Variants in CTIF observed in about 807,000 individuals in gnomAD.
The protein encoded by CTIF is cap binding complex dependent translation initiation factor, also known as CBP80/20-dependent translation initiation factor.
A neutral mutation model predicts 66.0 loss-of-function variants in CTIF; 21 were observed. That is an observed-to-expected ratio of 0.32 (90% confidence interval 0.23 to 0.46). The LOEUF (loss-of-function observed/expected upper bound fraction) is 0.46. Among genes scored for constraint, CTIF ranks in the 20% least tolerant of loss-of-function variants. CTIF has a pLI of 1.00. For synonymous variants in CTIF, 345 were observed against 326.4 expected (o/e 1.06, Z -0.62); for missense variants, 739 against 812.7 (o/e 0.91, Z 1.10).
intron 1 of CTIF, among the ~76,000 whole-genome samples, chr18:48,543,097 C>T (rs1186300187): frequency 6.6e-6 from 1 of 152,164 alleles, no homozygotes; most frequent in Non-Finnish European, 1.5e-5. Context: ...CCAAACTCAC[C>T]GTCTGGTCCC....
intron 4 of CTIF, 63 bp downstream of exon 4, chr18:48,663,888 G>T: frequency 7.0e-7 from 1 of 1,430,620 alleles, no homozygotes; most frequent in South Asian, 1.1e-5. Flanking sequence ...GGCTTCCTTG[G>T]GGACGGAATG....
Position 48,743,194 on chromosome 18 carries a change from C to T in CTIF, c.585-14725C>T, listed in dbSNP as rs183302774. ...TGGTCAGAGTTCTCGTGTGGCAGCT[C>T]CTGCAGCTTGCAGAGCTTCACAACC... On this transcript the variant is annotated intron_variant, in intron 7 of 11. Transcript: ENST00000256413. Among the ~76,000 whole-genome samples the T allele has an allele frequency of 2.3e-3, 344 of 152,262 alleles. 3 individuals are homozygous for T. The highest frequency in any genetic ancestry group is 7.8e-3 in the African/African-American group (324 of 41,546).
intron 1 of CTIF, among the ~76,000 whole-genome samples, chr18:48,585,409 C>T (rs980182617): frequency 5.3e-5 from 8 of 152,208 alleles, no homozygotes; most frequent in African/African-American, 1.7e-4. Context: ...CTGCCCTGTC[C>T]TAGCCTTAAG....
intron 1 of CTIF, among the ~76,000 whole-genome samples, chr18:48,560,296 G>A (rs772204308): frequency 1.5e-4 from 22 of 146,574 alleles, no homozygotes; most frequent in Non-Finnish European, 2.2e-4. Flanking sequence ...GTGTGATCTC[G>A]GCTCACTGCA....
chr18:48,556,759 T>C (rs1433232749), intron 1 of CTIF, among the ~76,000 whole-genome samples: 1 of 152,144 alleles, frequency 6.6e-6, no homozygotes, highest in Non-Finnish European at 1.5e-5. Context: ...GAGATGGGGT[T>C]TCACCATGTT....
At chr18:48,677,264 A>T (rs931646288) in intron 6 of CTIF, among the ~76,000 whole-genome samples, 1 of 152,036 alleles carries the variant, frequency 6.6e-6, no homozygotes, top group Non-Finnish European at 1.5e-5. Flanking sequence ...CTGTTGCTCC[A>T]TGTCACCCGT....
intron 9 of CTIF, among the ~76,000 whole-genome samples, chr18:48,770,231 T>C (rs533967869): frequency 6.6e-6 from 1 of 152,366 alleles, no homozygotes; most frequent in South Asian, 2.1e-4. Context: ...GTGCTGCTGC[T>C]GTGCCAACTA....
intron 10 of CTIF, among the ~76,000 whole-genome samples, chr18:48,822,007 C>A (rs1367586263): frequency 6.6e-6 from 1 of 152,216 alleles, no homozygotes; most frequent in Non-Finnish European, 1.5e-5. Context: ...TAGCCTCTGG[C>A]AACCACTATT....
At chr18:48,540,807 C>T (rs2088593226) in intron 1 of CTIF, among the ~76,000 whole-genome samples, 1 of 152,070 alleles carries the variant, frequency 6.6e-6, no homozygotes, top group African/African-American at 2.4e-5. Context: ...ACCTGTCCCG[C>T]CAGCCCCCTC....
Position 48,644,354 on chromosome 18 carries a change from A to G in CTIF, c.252+7669A>G, listed in dbSNP as rs1012892000. On this transcript the variant is annotated intron_variant, in intron 3 of 11. Coordinates refer to ENST00000256413, the MANE Select transcript of CTIF (RefSeq NM_014772.3). The stretch of plus-strand genomic sequence containing the variant: ...TGGAGAGAACAGATGCTGAAGCTGC[A>G]GTGAGAAGATGTCTGGGACATGACA... Among the ~76,000 whole-genome samples, 9 of 152,324 alleles carry G rather than the reference A, an allele frequency of 5.9e-5. No individual in the cohort carries two copies. In the East Asian group the frequency reaches 1.7e-3, roughly 29 times the overall value.
At chr18:48,583,623 A>T (rs1267601972) in intron 1 of CTIF, among the ~76,000 whole-genome samples, 1 of 152,116 alleles carries the variant, frequency 6.6e-6, no homozygotes, top group Admixed American at 6.5e-5. Context: ...GGCCTGCAAC[A>T]TGCCTGTCTT....
At chr18:48,700,520 C>T (rs1394223549) in intron 6 of CTIF, among the ~76,000 whole-genome samples, 1 of 152,238 alleles carries the variant, frequency 6.6e-6, no homozygotes, top group Non-Finnish European at 1.5e-5. Context: ...CTTAGCATGG[C>T]TGCGCAGGTG....
intron 1 of CTIF, among the ~76,000 whole-genome samples, chr18:48,570,533 A>G (rs1286164497): frequency 1.3e-5 from 2 of 152,212 alleles, no homozygotes; most frequent in African/African-American, 2.4e-5. Context: ...ATCCACGCAC[A>G]CACTGAGGCT....
chr18:48,802,291 G>A (rs935853825), intron 9 of CTIF, among the ~76,000 whole-genome samples: 3 of 152,188 alleles, frequency 2.0e-5, no homozygotes, highest in African/African-American at 2.4e-5. Flanking sequence ...ACCTGTGCCC[G>A]GGCCTAGGCC....
At chr18:48,568,304 C>G (rs1306846664) in intron 1 of CTIF, 1 of 152,068 alleles carries the variant, frequency 6.6e-6, no homozygotes, top group African/African-American at 2.4e-5. Flanking sequence ...GGTCAGTGAG[C>G]TCACAAGCAT....
chr18:48,738,198 T>C lies in CTIF; in HGVS notation c.585-19721T>C, dbSNP rs76571213. ...CCATCAGCAGTTCCTGCGGGTCCCA[T>C]CTTCAAAGCAGATCCAGGATCTCCA... On this transcript the variant is annotated intron_variant, in intron 7 of 11. Coordinates refer to ENST00000256413, the MANE Select transcript of CTIF (RefSeq NM_014772.3). Among the ~76,000 whole-genome samples the C allele has an allele frequency of 8.3e-3, 1,260 of 152,314 alleles. 20 individuals carry two copies. Among genetic ancestry groups the C allele is most frequent in the African/African-American group, 0.029 (1,205 of 41,572 alleles).
chr18:48,743,741 A>G (rs1232821414), intron 7 of CTIF, among the ~76,000 whole-genome samples: 2 of 152,244 alleles, frequency 1.3e-5, no homozygotes, highest in African/African-American at 4.8e-5. Context: ...ACTGTATTTG[A>G]CATAAAATAA....
chr18:48,698,870 G>A (rs1568146550), intron 6 of CTIF, among the ~76,000 whole-genome samples: 1 of 152,180 alleles, frequency 6.6e-6, no homozygotes, highest in Non-Finnish European at 1.5e-5. Flanking sequence ...TAGAGTGGAA[G>A]TTCCTCTCTG....
chr18:48,850,228 T>A (rs1307075922), intron 10 of CTIF, among the ~76,000 whole-genome samples: 1 of 152,254 alleles, frequency 6.6e-6, no homozygotes, highest in African/African-American at 2.4e-5. Flanking sequence ...GATATTCCCC[T>A]TGTATGGATT....
Sources: gnomAD v4.1 joint callset for allele counts (sites outside exome capture counted in the v4.1 genomes callset) on GRCh38, gnomAD v4.1.1 for gene constraint, MANE v1.5 for transcripts, NCBI Gene and HGNC (gene_info 2026-07-23, HGNC 2026-07-21) for gene names.